COL19A1: variants seen among roughly 807,000 people sequenced by gnomAD.
The protein encoded by COL19A1 is collagen alpha-1(XIX) chain.
A neutral mutation model predicts 190.2 loss-of-function variants in COL19A1; 159 were observed. The ratio of observed to expected loss-of-function variants is 0.84; its 90% confidence interval spans 0.73 to 0.95. The LOEUF (loss-of-function observed/expected upper bound fraction) is 0.95, where lower values mean the gene tolerates loss of function less well. Ranked by LOEUF, COL19A1 falls within the 40% of genes least tolerant of loss-of-function variation. COL19A1 has a pLI of 0.00. For synonymous variants in COL19A1, 509 were observed against 458.9 expected (o/e 1.11, Z -1.39); for missense variants, 1,418 against 1,431.9 (o/e 0.99, Z 0.16).
Position 70,120,102 on chromosome 6 carries a change from A to G in COL19A1, c.1279-1778A>G, listed in dbSNP as rs1417756660. 2.6e-5 allele frequency among the ~76,000 whole-genome samples: 4 copies of G among 152,100 alleles called. No homozygotes were observed. The South Asian group carries it at 8.3e-4, about 32-fold the overall frequency. On this transcript the variant is annotated intron_variant, in intron 16 of 50. Transcript: ENST00000620364. The stretch of plus-strand genomic sequence containing the variant: ...TGAGACTCTGTCTCAAAAAACAACA[A>G]CAAAAAGAGTTTGCTATTATTATTT...
At chr6:69,907,293 C>G (rs1770622950) in intron 4 of COL19A1, among the ~76,000 whole-genome samples, 2 of 151,812 alleles carry the variant, frequency 1.3e-5, no homozygotes, top group South Asian at 4.2e-4. Flanking sequence ...CCACTCCTGG[C>G]TAATTTTTGT....
intron 49 of COL19A1, among the ~76,000 whole-genome samples, chr6:70,204,212 C>A (rs986555413): frequency 1.3e-5 from 2 of 152,088 alleles, no homozygotes; most frequent in Non-Finnish European, 2.9e-5. Flanking sequence ...GCAGATAGAC[C>A]AGCCTCTTCC....
At chr6:69,977,940 T>C (rs769318236) in intron 11 of COL19A1, among the ~76,000 whole-genome samples, 38 of 152,254 alleles carry the variant, frequency 2.5e-4, no homozygotes, top group Non-Finnish European at 2.4e-4. Context: ...CATGGTCATA[T>C]TGAAAAAAAA....
At chr6:70,097,772 G>T (rs1019530603) in intron 15 of COL19A1, among the ~76,000 whole-genome samples, 6 of 152,046 alleles carry the variant, frequency 3.9e-5, no homozygotes, top group African/African-American at 1.4e-4. Context: ...GAAAATGTTG[G>T]ATTAGCCCAG....
At chr6:70,141,066 C>T (rs1786221175) in intron 20 of COL19A1, 77 bp downstream of exon 20, 1 of 1,315,838 alleles carries the variant, frequency 7.6e-7, no homozygotes, top group Non-Finnish European at 1.1e-6. Context: ...GGTATGTTTA[C>T]TTTGGAGTCT....
At chr6:70,121,024 T>C (rs1784854516) in intron 16 of COL19A1, among the ~76,000 whole-genome samples, 1 of 152,216 alleles carries the variant, frequency 6.6e-6, no homozygotes, top group Non-Finnish European at 1.5e-5. Context: ...TCTTATCTTA[T>C]AAGGTAACAT....
At chr6:70,110,838 C>T (rs1784243863) in intron 16 of COL19A1, among the ~76,000 whole-genome samples, 1 of 152,078 alleles carries the variant, frequency 6.6e-6, no homozygotes, top group African/African-American at 2.4e-5. Flanking sequence ...CTTGTTTCAT[C>T]TTGTATTATG....
intron 6 of COL19A1, among the ~76,000 whole-genome samples, chr6:69,932,004 C>A (rs1022068613): frequency 1.3e-5 from 2 of 152,106 alleles, no homozygotes; most frequent in African/African-American, 4.8e-5. Context: ...TTATTTAATA[C>A]ATTTCAGTGC....
At chr6:69,921,422 T>TATATCATATATC (rs1561998114) in intron 4 of COL19A1, among the ~76,000 whole-genome samples, 26 of 127,308 alleles carry the variant, frequency 2.0e-4, no homozygotes, top group African/African-American at 7.7e-4. Flanking sequence ...ATATATCATA[T>TATATCATATATC]ATATCATATA....
At position 70,210,217 on chromosome 6, in the gene COL19A1, A is replaced by G. The variant is rs1296516229; in HGVS notation, c.*2943A>G. On this transcript the variant is annotated 3_prime_UTR_variant, in exon 51 of 51. Transcript: ENST00000620364. ...AAGTATGTTTGAGTTCCAATCTTACATTTTATACCAAGTTCAAAACACTTT... is the reference window on the plus strand; with the variant it reads ...AAGTATGTTTGAGTTCCAATCTTACGTTTTATACCAAGTTCAAAACACTTT... 2.0e-5 allele frequency among the ~76,000 whole-genome samples: 3 copies of G among 152,142 alleles called. No individual in the cohort carries two copies. Among genetic ancestry groups the G allele is most frequent in the African/African-American group, 7.2e-5 (3 of 41,456 alleles).
At chr6:69,908,700 G>A (rs1171597597) in intron 4 of COL19A1, among the ~76,000 whole-genome samples, 1 of 152,030 alleles carries the variant, frequency 6.6e-6, no homozygotes, top group Non-Finnish European at 1.5e-5. Context: ...AACATTTGAT[G>A]TTATCATTAT....
chr6:70,118,964 G>C (rs3806034), intron 16 of COL19A1, among the ~76,000 whole-genome samples: 21,568 of 152,136 alleles, frequency 0.14, 1,888 homozygotes, highest in South Asian at 0.29. Flanking sequence ...GCTATCTTCT[G>C]TGTGCATATG....
chr6:70,131,832 A>T (rs889978177), intron 18 of COL19A1, among the ~76,000 whole-genome samples: 1 of 151,918 alleles, frequency 6.6e-6, no homozygotes, highest in African/African-American at 2.4e-5. Context: ...TTACTTAGAC[A>T]TTCTTAAGAC....
At position 70,188,186 on chromosome 6, in the gene COL19A1, T is replaced by C. The variant is rs760996026; in HGVS notation, c.2968T>C (p.Ser990Pro). The change falls in exon 47 of 51, where the codon TCC becomes CCC. Residue 990 changes from serine to proline, a missense_variant. Ser to Pro is a moderately conservative substitution (Grantham distance 74, BLOSUM62 -1). Transcript: ENST00000620364. ...TATGGGTCCACCAGGAAACAAGGGC[T>C]CCATGGGATCCCCTGGCCACCAAGG... ...GPMGPPGNKG[S>P]MGSPGHQGPP... 16 of 1,613,208 alleles carry C rather than the reference T, an allele frequency of 9.9e-6. No individual in the cohort carries two copies. The South Asian group carries it at 1.7e-4, about 17-fold the overall frequency.
chr6:69,905,768 G>A (rs1770512516), intron 4 of COL19A1, among the ~76,000 whole-genome samples: 1 of 152,106 alleles, frequency 6.6e-6, no homozygotes, highest in African/African-American at 2.4e-5. Flanking sequence ...CAGGCTCAGG[G>A]GATATTTGAG....
chr6:69,938,224 C>A, intron 9 of COL19A1, 124 bp downstream of exon 9: 1 of 901,336 alleles, frequency 1.1e-6, no homozygotes, highest in Non-Finnish European at 1.7e-6. Flanking sequence ...CTATCAAAGA[C>A]TATATTAAAA....
intron 11 of COL19A1, among the ~76,000 whole-genome samples, chr6:69,992,139 AT>A (rs574083781): frequency 1.5e-4 from 23 of 152,126 alleles, no homozygotes; most frequent in Non-Finnish European, 2.9e-4. Flanking sequence ...TTATGCCAGC[AT>A]CATTTATTGA....
intron 4 of COL19A1, among the ~76,000 whole-genome samples, chr6:69,914,161 T>TA (rs1349493961): frequency 6.6e-6 from 1 of 152,130 alleles, no homozygotes; most frequent in Non-Finnish European, 1.5e-5. Context: ...GTGAGATTGT[T>TA]AGAGGGTCAT....
rs1234005619 is a variant in COL19A1, at chr6:69,936,857, T to C, written c.820T>C (p.Tyr274His). 13 of 1,613,104 alleles carry C rather than the reference T, an allele frequency of 8.1e-6. No individual in the cohort carries two copies. The highest frequency in any genetic ancestry group is 7.6e-6 in the Non-Finnish European group (9 of 1,179,332). Residue 274 changes from tyrosine to histidine, a missense_variant, in exon 8 of 51, where the codon TAT (tyrosine) becomes CAT (histidine). By Grantham distance (83) the Tyr-to-His change is moderately conservative. Transcript: ENST00000620364. ...TGCTCATGCCAGTAAAATGTCTTCA[T>C]ATCTGCCAGCAAAGCAGGAACTTAA... Reference protein sequence around the residue: ...VTAHASKMSSYLPAKQELKDQ... With the variant: ...VTAHASKMSSHLPAKQELKDQ...
Sources: gnomAD v4.1 joint callset for allele counts (sites outside exome capture counted in the v4.1 genomes callset) on GRCh38, gnomAD v4.1.1 for gene constraint, MANE v1.5 for transcripts, NCBI Gene and HGNC (gene_info 2026-07-23, HGNC 2026-07-21) for gene names.